The following CSMD3 variants were observed in gnomAD, a reference collection of about 807,000 sequenced individuals.
CSMD3 encodes CUB and sushi domain-containing protein 3.
CSMD3 carries 177 observed loss-of-function variants against 435.2 expected under a neutral mutation model. The observed-to-expected ratio is 0.41, with a 90% CI of 0.36 to 0.46. The LOEUF is 0.46. CSMD3 is among the 20% of genes least tolerant of loss of function. The pLI is 0.34. For synonymous variants in CSMD3, 1,656 were observed against 1,520.5 expected (o/e 1.09, Z -2.07); for missense variants, 4,265 against 4,504.6 (o/e 0.95, Z 1.52).
chr8:112,605,302 T>C (rs554615508), intron 22 of CSMD3, among the ~76,000 whole-genome samples: 1 of 152,254 alleles, frequency 6.6e-6, no homozygotes, highest in African/African-American at 2.4e-5. Flanking sequence ...GAAATATAAA[T>C]TGTTCTACCA....
intron 35 of CSMD3, among the ~76,000 whole-genome samples, chr8:112,401,880 G>C (rs191190327): frequency 1.3e-5 from 2 of 152,024 alleles, no homozygotes; most frequent in Non-Finnish European, 2.9e-5. Context: ...TCTGTGGAAG[G>C]CACATTTTCC....
chr8:112,381,678 CA>C (rs1406233179), intron 37 of CSMD3, among the ~76,000 whole-genome samples: 1 of 152,160 alleles, frequency 6.6e-6, no homozygotes, highest in Non-Finnish European at 1.5e-5. Context: ...TAACAGCAAC[CA>C]CTGAAGACAG....
intron 24 of CSMD3, among the ~76,000 whole-genome samples, chr8:112,571,886 A>G (rs549919453): frequency 6.8e-6 from 1 of 147,852 alleles, no homozygotes; most frequent in South Asian, 2.1e-4. Flanking sequence ...AAAAAAAAAA[A>G]AGAAAGAAAG....
intron 62 of CSMD3, 101 bp from the exon 63 acceptor site, chr8:112,254,427 G>A (rs1815594187): frequency 2.4e-6 from 2 of 825,104 alleles, no homozygotes; most frequent in Non-Finnish European, 4.3e-6. Flanking sequence ...TGGTACAAAG[G>A]ATCTAGGAAA....
chr8:112,400,219 C>T (rs1831201567), intron 35 of CSMD3, among the ~76,000 whole-genome samples: 1 of 152,116 alleles, frequency 6.6e-6, no homozygotes, highest in Admixed American at 6.6e-5. Context: ...TTGGCAGATT[C>T]AGTATCTGAT....
intron 53 of CSMD3, among the ~76,000 whole-genome samples, chr8:112,296,646 G>A (rs1047143140): frequency 6.6e-6 from 1 of 151,924 alleles, no homozygotes; most frequent in Non-Finnish European, 1.5e-5. Context: ...ATAAGTTTCA[G>A]TGCTTTTAGT....
Position 112,295,882 on chromosome 8 carries a change from C to T in CSMD3, c.8565G>A (p.Arg2855=), listed in dbSNP as rs2130714554. The change falls in exon 54 of 71, where the codon AGG becomes AGA. Residue 2855 remains arginine, a synonymous_variant. Coordinates refer to ENST00000297405, the MANE Select transcript of CSMD3 (RefSeq NM_198123.2). ...ACCAATTGTGATCCTGTTGACATAT[C>T]CTCACTGAAGAACCAATCAATCGAA... ...PGFRLIGSSV[R]ICQQDHNWSG... The T allele has an allele frequency of 6.2e-7, 1 of 1,613,954 alleles. No individual in the cohort carries two copies. The highest frequency in any genetic ancestry group is 8.5e-7 in the Non-Finnish European group (1 of 1,179,970).
intron 1 of CSMD3, among the ~76,000 whole-genome samples, chr8:113,377,654 ACT>A (rs1413929430): frequency 1.3e-5 from 2 of 152,112 alleles, no homozygotes; most frequent in Non-Finnish European, 2.9e-5. Context: ...AACAATAGAA[ACT>A]CTAATTTTAG....
rs71281204 is a variant in CSMD3, at chr8:113,168,519, C to CAAAA, written c.709+5199_709+5202dup. 2.1e-3 allele frequency among the ~76,000 whole-genome samples: 35 copies of CAAAA among 17,018 alleles called. 9 individuals are homozygous for CAAAA. Among genetic ancestry groups the CAAAA allele is most frequent in the African/African-American group, 6.4e-3 (34 of 5,274 alleles). The allele number at this position is 17,018 out of a possible 152,430, so 11.2% of individuals were successfully genotyped here. On this transcript the variant is annotated intron_variant, in intron 4 of 70. Transcript: ENST00000297405. ...CTGGTGACAGAGCAAGACTCTGTCT[C>CAAAA]AAAAAAAAAAAAAAAAAAAAAAAAA... is the stretch of plus-strand genomic sequence containing the variant.
intron 59 of CSMD3, among the ~76,000 whole-genome samples, chr8:112,275,669 T>C (rs575413695): frequency 1.3e-5 from 2 of 152,192 alleles, no homozygotes; most frequent in East Asian, 1.9e-4. Flanking sequence ...CAAGAAAGAA[T>C]GAGAACCAAG....
chr8:112,395,820 A>G (rs1830813717), intron 35 of CSMD3, among the ~76,000 whole-genome samples: 1 of 152,138 alleles, frequency 6.6e-6, no homozygotes, highest in African/African-American at 2.4e-5. Flanking sequence ...ACAAGGTCAA[A>G]TTTGGAAGAT....
intron 24 of CSMD3, among the ~76,000 whole-genome samples, chr8:112,561,440 C>A (rs188459215): frequency 1.3e-5 from 2 of 151,518 alleles, no homozygotes; most frequent in Admixed American, 1.3e-4. Flanking sequence ...CCAAAGATAT[C>A]TAATATATTT....
At chr8:112,961,076 T>C (rs1185199947) in intron 7 of CSMD3, among the ~76,000 whole-genome samples, 1 of 151,740 alleles carries the variant, frequency 6.6e-6, no homozygotes. Context: ...GTGCTTAAAT[T>C]ACACAATAAA....
At chr8:112,532,040 AT>A (rs1320477012) in intron 27 of CSMD3, among the ~76,000 whole-genome samples, 1 of 151,662 alleles carries the variant, frequency 6.6e-6, no homozygotes, top group East Asian at 1.9e-4. Flanking sequence ...AATTTAAAAA[AT>A]CAAACAGAAA....
intron 10 of CSMD3, among the ~76,000 whole-genome samples, chr8:112,861,739 C>A (rs231327): frequency 0.97 from 146,935 of 151,954 alleles, 71,066 homozygotes; most frequent in East Asian, 1. Context: ...GAGTCTAAGA[C>A]CTTTATAGAA....
chr8:113,364,118 T>C (rs756039574), intron 1 of CSMD3, among the ~76,000 whole-genome samples: 1 of 152,184 alleles, frequency 6.6e-6, no homozygotes, highest in Non-Finnish European at 1.5e-5. Flanking sequence ...TGTTAAAGAA[T>C]TCTTATGTGT....
At chr8:112,496,060 C>A (rs1050681615) in intron 30 of CSMD3, among the ~76,000 whole-genome samples, 2 of 151,986 alleles carry the variant, frequency 1.3e-5, no homozygotes, top group Non-Finnish European at 2.9e-5. Flanking sequence ...AGCTCCGCCT[C>A]TCCGGTTCAC....
chr8:112,914,355 C>T (rs1256984057), intron 10 of CSMD3, among the ~76,000 whole-genome samples: 2 of 151,728 alleles, frequency 1.3e-5, no homozygotes, highest in Non-Finnish European at 1.5e-5. Context: ...CAGTTCTGCT[C>T]TGTGCTTCTT....
At chr8:112,771,899 T>G in intron 13 of CSMD3, among the ~76,000 whole-genome samples, 1 of 152,072 alleles carries the variant, frequency 6.6e-6, no homozygotes, top group East Asian at 1.9e-4. Flanking sequence ...GACGCATTTC[T>G]GAGGAAAACA....
Sources: allele counts gnomAD v4.1 joint callset (sites outside exome capture counted in the v4.1 genomes callset), GRCh38; gene constraint gnomAD v4.1.1; transcripts MANE v1.5; gene names NCBI Gene and HGNC (gene_info 2026-07-23, HGNC 2026-07-21).